CLSTN2: variants seen among roughly 807,000 people sequenced by gnomAD.
CLSTN2 encodes the protein calsyntenin-2.
A neutral mutation model predicts 101.2 loss-of-function variants in CLSTN2; 48 were observed. That is an observed-to-expected ratio of 0.47 (90% confidence interval 0.38 to 0.60). CLSTN2 has a LOEUF of 0.60. Ranked by LOEUF, CLSTN2 falls within the 20% of genes least tolerant of loss-of-function variation. The pLI, the probability that CLSTN2 is intolerant of heterozygous loss-of-function variation, is 0.00. For synonymous variants in CLSTN2, 481 were observed against 463.6 expected (o/e 1.04, Z -0.48); for missense variants, 1,160 against 1,238.2 (o/e 0.94, Z 0.95).
At chr3:140,180,199 A>C (rs551492991) in intron 2 of CLSTN2, among the ~76,000 whole-genome samples, 1 of 152,386 alleles carries the variant, frequency 6.6e-6, no homozygotes, top group Admixed American at 6.5e-5. Context: ...GCCAGTTGGC[A>C]GGGGAGATAA....
chr3:140,283,154 T>G lies in CLSTN2; in HGVS notation c.232+107081T>G, dbSNP rs1306237047. On this transcript the variant is annotated intron_variant, in intron 2 of 16. Coordinates refer to ENST00000458420, the MANE Select transcript of CLSTN2 (RefSeq NM_022131.3). ...AAAATAATAGAAATACTTTATAATA[T>G]ACAAGGTTCTAGAGACTAATATGGC... Among the ~76,000 whole-genome samples the G allele has an allele frequency of 1.3e-4, 20 of 152,170 alleles. 1 individual carries two copies. Among genetic ancestry groups the G allele is most frequent in the Admixed American group, 1.3e-3 (20 of 15,264 alleles).
At position 139,950,944 on chromosome 3, in the gene CLSTN2, A is replaced by G. The variant is rs572758754; in HGVS notation, c.109+15461A>G. The stretch of plus-strand genomic sequence containing the variant: ...TATTGGTGATTCAGATGTCATGGAC[A>G]TATTGTGGCGATGTGACTTTTTTAA... On this transcript the variant is annotated intron_variant, in intron 1 of 16. Transcript: ENST00000458420. Among the ~76,000 whole-genome samples the G allele has an allele frequency of 8.5e-5, 13 of 152,342 alleles. No homozygotes were observed. In the South Asian group the frequency reaches 2.7e-3, roughly 32 times the overall value.
chr3:140,220,073 G>C (rs576415677), intron 2 of CLSTN2, among the ~76,000 whole-genome samples: 2 of 152,300 alleles, frequency 1.3e-5, no homozygotes, highest in African/African-American at 4.8e-5. Context: ...TCTGGATGCT[G>C]TACTCTGAAC....
Position 139,935,570 on chromosome 3 carries a change from G to A in CLSTN2, c.109+87G>A. The A allele has an allele frequency of 1.5e-6, 1 of 654,854 alleles. No homozygotes were observed. The highest frequency in any genetic ancestry group is 3.4e-4 in the Middle Eastern group (1 of 2,938). 40.6% of individuals were successfully genotyped at this position (654,854 alleles called of 1,614,324 possible). A position where few individuals can be genotyped will look rare whatever the true frequency, so the allele number is the denominator to read the frequency against. ...AGCGGCAAGGACCTAGGCTCAAGCTGGATTTGCCCACCCTCCCTTGCCGCA... is the reference window on the plus strand; with the variant it reads ...AGCGGCAAGGACCTAGGCTCAAGCTAGATTTGCCCACCCTCCCTTGCCGCA... On this transcript the variant is annotated intron_variant, in intron 1 of 16. Transcript: ENST00000458420. The surrounding 1 kb of genome is among the most constrained non-coding windows in gnomAD (Gnocchi z 5.5).
At chr3:140,443,137 G>A (rs1434135040) in intron 5 of CLSTN2, among the ~76,000 whole-genome samples, 1 of 152,210 alleles carries the variant, frequency 6.6e-6, no homozygotes, top group Admixed American at 6.5e-5. Context: ...CTCACTTTGT[G>A]TAAATCCAGC....
intron 8 of CLSTN2, among the ~76,000 whole-genome samples, chr3:140,518,976 T>C (rs1240376852): frequency 6.6e-6 from 1 of 150,418 alleles, no homozygotes; most frequent in African/African-American, 2.5e-5. Flanking sequence ...GTGCTATAAA[T>C]TTCACTCTTA....
chr3:140,442,561 TAG>T, intron 5 of CLSTN2, among the ~76,000 whole-genome samples: 1 of 152,238 alleles, frequency 6.6e-6, no homozygotes, highest in East Asian at 1.9e-4. Context: ...TTTAACTCAA[TAG>T]AATTGAACTA....
chr3:140,076,623 G>GTTTTTTT (rs1401368909), intron 1 of CLSTN2, among the ~76,000 whole-genome samples: 1 of 61,664 alleles, frequency 1.6e-5, no homozygotes. Flanking sequence ...CTCACCAGCA[G>GTTTTTTT]TGTTTTTTTT....
intron 2 of CLSTN2, among the ~76,000 whole-genome samples, chr3:140,346,122 G>A (rs949051335): frequency 6.6e-6 from 1 of 152,088 alleles, no homozygotes; most frequent in African/African-American, 2.4e-5. Flanking sequence ...GTCTCTTTTT[G>A]TGCCATTTCT....
intron 1 of CLSTN2, among the ~76,000 whole-genome samples, chr3:139,952,269 A>G (rs1352853551): frequency 6.6e-6 from 1 of 152,206 alleles, no homozygotes; most frequent in Non-Finnish European, 1.5e-5. Flanking sequence ...ACCATTCCTT[A>G]TGCGTCACCA....
At chr3:140,113,583 G>T (rs1576431398) in intron 1 of CLSTN2, among the ~76,000 whole-genome samples, 1 of 152,170 alleles carries the variant, frequency 6.6e-6, no homozygotes, top group Non-Finnish European at 1.5e-5. Context: ...TGAGAAATTG[G>T]ACTGTGGGGT....
chr3:140,101,478 G>A (rs2107790221), intron 1 of CLSTN2, among the ~76,000 whole-genome samples: 1 of 152,312 alleles, frequency 6.6e-6, no homozygotes, highest in African/African-American at 2.4e-5. Flanking sequence ...ACTCTTATAT[G>A]CCTCTTTCTC....
intron 2 of CLSTN2, among the ~76,000 whole-genome samples, chr3:140,240,941 G>T (rs4266155): frequency 0.54 from 81,590 of 151,818 alleles, 24,263 homozygotes; most frequent in East Asian, 0.96. Context: ...CTGAGGTGGG[G>T]AGTGGCATGT....
intron 9 of CLSTN2, among the ~76,000 whole-genome samples, chr3:140,544,823 G>A (rs1935556658): frequency 6.6e-6 from 1 of 152,036 alleles, no homozygotes; most frequent in Non-Finnish European, 1.5e-5. Context: ...GCTTCCATGA[G>A]CATCAGGAAA....
rs1278369551 is a variant in CLSTN2, at chr3:139,935,809, A to G, written c.109+326A>G. On this transcript the variant is annotated intron_variant, in intron 1 of 16. Transcript: ENST00000458420. The surrounding 1 kb of genome is among the most constrained non-coding windows in gnomAD (Gnocchi z 5.5). The stretch of plus-strand genomic sequence containing the variant: ...TTCGAGCTCTGGCCCAGGGACGGCT[A>G]GAGCAGGGCGCTGGCGCGCCGTGGG... Among the ~76,000 whole-genome samples the G allele has an allele frequency of 1.3e-5, 2 of 152,028 alleles. No homozygotes were observed. The highest frequency in any genetic ancestry group is 2.9e-5 in the Non-Finnish European group (2 of 67,974).
intron 9 of CLSTN2, among the ~76,000 whole-genome samples, chr3:140,537,639 C>G (rs349544): frequency 1 from 152,131 of 152,326 alleles, 75,968 homozygotes; most frequent in Middle Eastern, 1. Flanking sequence ...TGAGTCAGAT[C>G]CTCCTGGCTT....
chr3:140,371,167 G>A (rs1395273989), intron 2 of CLSTN2, among the ~76,000 whole-genome samples: 1 of 152,214 alleles, frequency 6.6e-6, no homozygotes, highest in Non-Finnish European at 1.5e-5. Context: ...GGAGCCAGGT[G>A]AGGCATGCCT....
intron 1 of CLSTN2, among the ~76,000 whole-genome samples, chr3:139,960,827 A>C (rs536401077): frequency 6.6e-6 from 1 of 152,204 alleles, no homozygotes; most frequent in Admixed American, 6.5e-5. Flanking sequence ...CAGTGTGTCA[A>C]TCATTTAGAA....
intron 1 of CLSTN2, among the ~76,000 whole-genome samples, chr3:140,143,430 G>T (rs560760581): frequency 4.6e-5 from 7 of 152,216 alleles, no homozygotes; most frequent in African/African-American, 1.7e-4. Context: ...CTGCCTTTTT[G>T]TTCTTTTCAG....
Sources: gnomAD v4.1 joint callset for allele counts (sites outside exome capture counted in the v4.1 genomes callset) on GRCh38, gnomAD v4.1.1 for gene constraint, Gnocchi (gnomAD v3.1) non-coding constraint, MANE v1.5 for transcripts, NCBI Gene and HGNC (gene_info 2026-07-23, HGNC 2026-07-21) for gene names.